Variants in GLIS1 observed in about 807,000 individuals in gnomAD.
GLIS1 encodes the protein GLIS family zinc finger 1.
Under a neutral mutation model 63.8 loss-of-function variants are expected in GLIS1, and 24 were observed. The ratio of observed to expected loss-of-function variants is 0.38; its 90% CI spans 0.27 to 0.53. The LOEUF (loss-of-function observed/expected upper bound fraction) is 0.53, where lower values mean the gene tolerates loss of function less well. Among genes scored for constraint, GLIS1 ranks in the 20% least tolerant of loss-of-function variants. GLIS1 has a pLI of 0.85. For synonymous variants in GLIS1, 450 were observed against 482.5 expected (o/e 0.93, Z 0.88); for missense variants, 1,036 against 1,074.1 (o/e 0.96, Z 0.50).
chr1:53,595,551 C>T (rs1645246785), intron 3 of GLIS1, among the ~76,000 whole-genome samples: 1 of 152,054 alleles, frequency 6.6e-6, no homozygotes, highest in African/African-American at 2.4e-5. Context: ...AAGCTCAGCA[C>T]CCCCACCCAG....
intron 2 of GLIS1, among the ~76,000 whole-genome samples, chr1:53,658,909 G>A (rs946679009): frequency 1.3e-4 from 20 of 152,182 alleles, no homozygotes; most frequent in Non-Finnish European, 5.9e-5. Context: ...GGGAGGTGGG[G>A]GGCACAGCAG....
intron 3 of GLIS1, among the ~76,000 whole-genome samples, chr1:53,597,841 T>C (rs1419787227): frequency 2.0e-5 from 3 of 152,084 alleles, no homozygotes; most frequent in Non-Finnish European, 4.4e-5. Context: ...ACACAGACTC[T>C]CCTGTGCCGT....
At chr1:53,694,620 C>T (rs1646445296) in intron 2 of GLIS1, among the ~76,000 whole-genome samples, 1 of 152,202 alleles carries the variant, frequency 6.6e-6, no homozygotes, top group Non-Finnish European at 1.5e-5. Context: ...GGTCCCAGCT[C>T]CACCTCCTAC....
chr1:53,736,720 A>G (rs1402811944), intron 2 of GLIS1, among the ~76,000 whole-genome samples: 2 of 152,208 alleles, frequency 1.3e-5, no homozygotes, highest in African/African-American at 4.8e-5. Flanking sequence ...TTTTCTTCAA[A>G]AAAGAAAAAA....
intron 2 of GLIS1, among the ~76,000 whole-genome samples, chr1:53,709,028 C>A (rs1297197237): frequency 2.6e-5 from 4 of 152,196 alleles, no homozygotes; most frequent in Non-Finnish European, 2.9e-5. Context: ...CACTAGTACA[C>A]TCCATGAAGT....
intron 4 of GLIS1, among the ~76,000 whole-genome samples, chr1:53,533,406 C>T (rs1445814559): frequency 6.6e-6 from 1 of 152,230 alleles, no homozygotes; most frequent in African/African-American, 2.4e-5. Flanking sequence ...ACCCCCTTAC[C>T]CCAGTGTGCA....
intron 2 of GLIS1, among the ~76,000 whole-genome samples, chr1:53,730,824 GT>G (rs1398370356): frequency 6.6e-6 from 1 of 152,148 alleles, no homozygotes; most frequent in African/African-American, 2.4e-5. Flanking sequence ...CATAGGGGGG[GT>G]CATCTAGCTC....
intron 4 of GLIS1, among the ~76,000 whole-genome samples, chr1:53,551,300 A>G (rs1644756838): frequency 6.6e-6 from 1 of 152,360 alleles, no homozygotes; most frequent in South Asian, 2.1e-4. Flanking sequence ...TGATTATGCC[A>G]CATTTATACA....
chr1:53,607,622 C>T (rs1165527138), intron 2 of GLIS1, among the ~76,000 whole-genome samples: 1 of 152,180 alleles, frequency 6.6e-6, no homozygotes, highest in Non-Finnish European at 1.5e-5. Flanking sequence ...AGTCAGGATG[C>T]AAGGCCAGCT....
At chr1:53,607,958 C>CTT (rs377462740) in intron 2 of GLIS1, among the ~76,000 whole-genome samples, 6,971 of 128,560 alleles carry the variant, frequency 0.054, 336 homozygotes, top group Non-Finnish European at 0.074. Flanking sequence ...TGATGTCTCT[C>CTT]TTTTTTTTTT....
At chr1:53,728,270 A>G (rs1353931164) in intron 2 of GLIS1, among the ~76,000 whole-genome samples, 1 of 152,184 alleles carries the variant, frequency 6.6e-6, no homozygotes, top group Non-Finnish European at 1.5e-5. Flanking sequence ...GTGGAATGGA[A>G]GGGAGGGAAA....
At chr1:53,697,645 GGACCTACCCATCCATCAC>G (rs1646479581) in intron 2 of GLIS1, among the ~76,000 whole-genome samples, 1 of 152,186 alleles carries the variant, frequency 6.6e-6, no homozygotes, top group South Asian at 2.1e-4. Context: ...TCTTCTGGAA[GGACCTACCCATCCATCAC>G]ACTCCTTCCA....
In GLIS1 at chr1:53,506,299, C is replaced by T. The variant is rs72893308; in HGVS notation, c.*320G>A. On this transcript the variant is annotated 3_prime_UTR_variant, in exon 11 of 11. Transcript: ENST00000628545. Reference sequence around the variant, plus strand: ...CAAAAATATAAAACTGGCAGGGGAACGGAAAACAAGTTCTGCATATTTTAT... The same window carrying T: ...CAAAAATATAAAACTGGCAGGGGAATGGAAAACAAGTTCTGCATATTTTAT... The T allele has an allele frequency of 0.019, 6,146 of 323,906 alleles. 335 individuals carry two copies. Among genetic ancestry groups the T allele is most frequent in the African/African-American group, 0.12 (5,612 of 47,542 alleles). 20.1% of individuals were successfully genotyped at this position (323,906 alleles called of 1,614,324 possible).
chr1:53,627,365 G>A (rs1237578242), intron 2 of GLIS1, among the ~76,000 whole-genome samples: 3 of 152,146 alleles, frequency 2.0e-5, no homozygotes, highest in Admixed American at 6.5e-5. Flanking sequence ...TTCCCTGAGC[G>A]AACTTTCAAG....
At chr1:53,700,689 C>G (rs1570071696) in intron 2 of GLIS1, among the ~76,000 whole-genome samples, 1 of 152,334 alleles carries the variant, frequency 6.6e-6, no homozygotes, top group African/African-American at 2.4e-5. Context: ...TTACCGTATT[C>G]AGAGAGGTGT....
intron 4 of GLIS1, among the ~76,000 whole-genome samples, chr1:53,544,086 G>A (rs531250566): frequency 2.4e-4 from 37 of 152,308 alleles, no homozygotes; most frequent in African/African-American, 7.9e-4. Context: ...TCAGAGGGAC[G>A]CCTGGAACTC....
intron 2 of GLIS1, among the ~76,000 whole-genome samples, chr1:53,721,568 G>A (rs1425847722): frequency 6.6e-6 from 1 of 152,202 alleles, no homozygotes. Context: ...CCCCCTGAAG[G>A]TGGGCACCAC....
intron 2 of GLIS1, among the ~76,000 whole-genome samples, chr1:53,735,163 C>T (rs1443749146): frequency 6.6e-6 from 1 of 152,230 alleles, no homozygotes; most frequent in Admixed American, 6.5e-5. Context: ...CACTGGGCAG[C>T]TGTGGCCACA....
intron 4 of GLIS1, among the ~76,000 whole-genome samples, chr1:53,534,253 C>G (rs1644560467): frequency 6.6e-6 from 1 of 152,014 alleles, no homozygotes; most frequent in South Asian, 2.1e-4. Flanking sequence ...ACCTTGGTTT[C>G]TCAGGTGGAG....
Sources: allele counts gnomAD v4.1 joint callset (sites outside exome capture counted in the v4.1 genomes callset), GRCh38; gene constraint gnomAD v4.1.1; transcripts MANE v1.5; gene names NCBI Gene and HGNC (gene_info 2026-07-23, HGNC 2026-07-21).